The following HAUS6 variants were observed in gnomAD, a reference collection of about 807,000 sequenced individuals.
HAUS6 encodes HAUS augmin-like complex subunit 6.
In HAUS6, 80 loss-of-function variants were observed where a neutral mutation model predicts 106.8. The ratio of observed to expected loss-of-function variants is 0.75; its 90% CI spans 0.63 to 0.90. The LOEUF is 0.90. Among genes scored for constraint, HAUS6 ranks in the 40% least tolerant of loss-of-function variants. The pLI, the probability that HAUS6 is intolerant of heterozygous loss-of-function variation, is 0.00. For synonymous variants in HAUS6, 356 were observed against 379.1 expected, an observed-to-expected ratio of 0.94 and a Z score of 0.71; for missense variants, 1,155 against 1,118.1, an observed-to-expected ratio of 1.03 and a Z score of -0.47.
At chr9:19,082,721 A>G (rs1165064593) in intron 8 of HAUS6, 152 bp downstream of exon 8, 5 of 463,594 alleles carry the variant, frequency 1.1e-5, no homozygotes, top group Non-Finnish European at 1.9e-5. Context: ...ATTGCACTCC[A>G]GCCTGGGCAA....
chr9:19,084,365 C>G (rs1260048433), intron 7 of HAUS6, among the ~76,000 whole-genome samples: 3 of 152,130 alleles, frequency 2.0e-5, no homozygotes, highest in Non-Finnish European at 1.5e-5. Context: ...TGGGGGCAAA[C>G]AGTGTAAACT....
intron 5 of HAUS6, among the ~76,000 whole-genome samples, chr9:19,089,116 G>A (rs1366046075): frequency 6.6e-6 from 1 of 152,032 alleles, no homozygotes; most frequent in Non-Finnish European, 1.5e-5. Context: ...GGTGGCCTGC[G>A]CCAATAATCC....
In HAUS6 at chr9:19,098,090, A is replaced by G. The variant is rs112810717; in HGVS notation, c.129-1321T>C. ...AGTACCTTGTTCTCTTCTCTTTGACACTTATTGTAATTTGTAATAAGATAT... is the reference window on the plus strand; with the variant it reads ...AGTACCTTGTTCTCTTCTCTTTGACGCTTATTGTAATTTGTAATAAGATAT... On this transcript the variant is annotated intron_variant, in intron 1 of 16. Transcript: ENST00000380502. Among the ~76,000 whole-genome samples, 709 of 152,268 alleles carry G rather than the reference A, an allele frequency of 4.7e-3. 1 individual carries two copies. The highest frequency in any genetic ancestry group is 8.2e-3 in the Non-Finnish European group (557 of 68,026).
chr9:19,083,402 C>G (rs1837208868), intron 7 of HAUS6, among the ~76,000 whole-genome samples: 1 of 151,924 alleles, frequency 6.6e-6, no homozygotes, highest in Non-Finnish European at 1.5e-5. Context: ...ACCACTGCAC[C>G]CAGCTCCAAA....
rs1817708560 is a variant in HAUS6 at position 19,089,890 on chromosome 9, TGG to T, written c.437-333_437-332del. On this transcript the variant is annotated intron_variant, in intron 4 of 16. Transcript: ENST00000380502. Reference sequence around the variant, plus strand: ...CTCTATTGCCCAGGCTGGAGTGCAGTGGCACAAGCATAGGTCACTGCAGCCTC... The same window carrying T: ...CTCTATTGCCCAGGCTGGAGTGCAGTCACAAGCATAGGTCACTGCAGCCTC... Among the ~76,000 whole-genome samples, 5 of 152,274 alleles carry T rather than the reference TGG, an allele frequency of 3.3e-5. 1 individual carries two copies. The highest frequency in any genetic ancestry group is 1.3e-4 in the Admixed American group (2 of 15,272).
intron 12 of HAUS6, chr9:19,063,930 G>A (rs1836696270): frequency 2.9e-6 from 1 of 343,850 alleles, no homozygotes. Flanking sequence ...AATGTCACAG[G>A]TTCCAAATCA....
intron 8 of HAUS6, among the ~76,000 whole-genome samples, chr9:19,081,481 C>A (rs1837149168): frequency 4.0e-5 from 6 of 151,840 alleles, no homozygotes; most frequent in Admixed American, 3.9e-4. Context: ...CACTCTGTCT[C>A]CCAGGCTGGG....
chr9:19,073,736 T>A (rs1409342648), intron 11 of HAUS6: 1 of 151,382 alleles, frequency 6.6e-6, no homozygotes, highest in Non-Finnish European at 1.5e-5. Flanking sequence ...AATTCTACCA[T>A]AATTAAGGAC....
chr9:19,096,844 G>C lies in HAUS6; in HGVS notation c.129-75C>G, dbSNP rs1817875728. On this transcript the variant is annotated intron_variant, in intron 1 of 16. Transcript: ENST00000380502. ...CTAAACATCATCAAAAGCTGAGTAA[G>C]ACTTTGACACAAATTAATGTTTTCA... is the stretch of plus-strand genomic sequence containing the variant. 4.6e-6 allele frequency: 3 copies of C among 648,106 alleles called. No homozygotes were observed. The East Asian group carries it at 9.3e-5, about 20-fold the overall frequency. The allele number at this position is 648,106 out of a possible 1,614,324, so 40.1% of individuals were successfully genotyped here.
At chr9:19,073,361 T>G (rs1314970093) in intron 11 of HAUS6, among the ~76,000 whole-genome samples, 2 of 151,992 alleles carry the variant, frequency 1.3e-5, no homozygotes, top group African/African-American at 4.8e-5. Flanking sequence ...CGGAAAAGGT[T>G]GTTTTACCAC....
chr9:19,078,333 AGAT>A (rs765746505), intron 9 of HAUS6, 31 bp from the exon 10 acceptor site: 6 of 1,251,236 alleles, frequency 4.8e-6, no homozygotes, highest in South Asian at 1.3e-5. Flanking sequence ...TTTATTCAAA[AGAT>A]GATACAAAAA....
Position 19,102,817 on chromosome 9 carries a change from A to C in HAUS6, c.-166T>G, listed in dbSNP as rs1818021164. On this transcript the variant is annotated 5_prime_UTR_variant, in exon 1 of 17. Coordinates refer to ENST00000380502, the MANE Select transcript of HAUS6 (RefSeq NM_017645.5). The stretch of plus-strand genomic sequence containing the variant: ...GCGATTTCGCCTCAAAGGGCCTCAC[A>C]ACCTCCGGGAAATTGAGTTTCTAAC... 1 of 603,946 alleles carries C rather than the reference A, an allele frequency of 1.7e-6. No individual in the cohort carries two copies. The highest frequency in any genetic ancestry group is 3.2e-5 in the East Asian group (1 of 31,428). The allele number at this position is 603,946 out of a possible 1,614,324, so 37.4% of individuals were successfully genotyped here.
intron 9 of HAUS6, among the ~76,000 whole-genome samples, chr9:19,079,125 T>C (rs1449467074): frequency 6.7e-6 from 1 of 148,152 alleles, no homozygotes; most frequent in South Asian, 2.1e-4. Flanking sequence ...GATTGCGCTA[T>C]TGTGCTCCAG....
At position 19,080,484 on chromosome 9, in the gene HAUS6, A is replaced by T; in HGVS notation, c.1059T>A (p.His353Gln). The change falls in exon 9 of 17, where the codon CAT becomes CAA. Residue 353 changes from histidine to glutamine, a missense_variant. Physicochemically the swap from His to Gln is conservative, Grantham distance 24. Transcript: ENST00000380502. ...FQKERLSDLKHMRYRIKDDLT... is the reference protein window; with the variant it reads ...FQKERLSDLKQMRYRIKDDLT... ...AACAGATCTTTTTAGTGTACCTCAT[A>T]TGTTTCAGATCTGATAATCTTTCCT... 2 of 1,597,378 alleles carry T rather than the reference A, an allele frequency of 1.3e-6. No homozygotes were observed. Among genetic ancestry groups the T allele is most frequent in the Non-Finnish European group, 1.7e-6 (2 of 1,166,664 alleles).
At chr9:19,074,112 CAG>C (rs1836937536) in intron 11 of HAUS6, among the ~76,000 whole-genome samples, 1 of 151,888 alleles carries the variant, frequency 6.6e-6, no homozygotes, top group Non-Finnish European at 1.5e-5. Flanking sequence ...CCAGGCATGG[CAG>C]AGTGTGCCTG....
intron 7 of HAUS6, among the ~76,000 whole-genome samples, 173 bp downstream of exon 7, chr9:19,086,561 A>C (rs1353325960): frequency 6.6e-6 from 1 of 151,226 alleles, no homozygotes; most frequent in Non-Finnish European, 1.5e-5. Context: ...CAGAGGGTGT[A>C]GTGAGCCAAA....
chr9:19,074,397 G>A lies in HAUS6; in HGVS notation c.1294+2205C>T, dbSNP rs976595869. 3.3e-5 allele frequency among the ~76,000 whole-genome samples: 5 copies of A among 152,218 alleles called. No individual in the cohort carries two copies. The East Asian group carries it at 9.7e-4, about 29-fold the overall frequency. On this transcript the variant is annotated intron_variant, in intron 11 of 16. Transcript: ENST00000380502. ...AATGATTCTCCTGCCTCAGCCTCCT[G>A]AATAGCTAGGACTACAGACACACAC... is the stretch of plus-strand genomic sequence containing the variant.
At position 19,053,720 on chromosome 9, in the gene HAUS6, G is replaced by C. The variant is rs1446703077; in HGVS notation, c.*2623C>G. The C allele has an allele frequency of 6.6e-6, 1 of 152,096 alleles. No homozygotes were observed. Among genetic ancestry groups the C allele is most frequent in the African/African-American group, 2.4e-5 (1 of 41,434 alleles). The allele number at this position is 152,096 out of a possible 1,614,324, so 9.4% of individuals were successfully genotyped here. On this transcript the variant is annotated 3_prime_UTR_variant, in exon 17 of 17. Coordinates refer to ENST00000380502, the MANE Select transcript of HAUS6 (RefSeq NM_017645.5). ...TACATTCTATATGTCTGATATTAAT[G>C]TAATAAGAAATCCACTTAGAGTAAT...
intron 4 of HAUS6, chr9:19,089,784 CA>C: frequency 3.8e-6 from 2 of 524,548 alleles, no homozygotes; most frequent in Non-Finnish European, 6.7e-6. Context: ...AACAACTCCC[CA>C]AAAGCTAGTA....
Sources: allele counts gnomAD v4.1 joint callset (sites outside exome capture counted in the v4.1 genomes callset), GRCh38; gene constraint gnomAD v4.1.1; transcripts MANE v1.5; gene names NCBI Gene and HGNC (gene_info 2026-07-23, HGNC 2026-07-21).